CAMK2D: variants seen among roughly 807,000 people sequenced by gnomAD.
CAMK2D encodes the protein calcium/calmodulin-dependent protein kinase type II subunit delta.
CAMK2D carries 37 observed loss-of-function variants against 84.0 expected under a neutral mutation model. That is an observed-to-expected ratio of 0.44 (90% CI 0.34 to 0.58). The LOEUF (loss-of-function observed/expected upper bound fraction) is 0.58. Among genes scored for constraint, CAMK2D ranks in the 20% least tolerant of loss-of-function variants. The pLI, the probability that CAMK2D is intolerant of heterozygous loss-of-function variation, is 0.02. For missense variants in CAMK2D, 448 were observed against 652.5 expected (o/e 0.69, Z 3.41); for synonymous variants, 202 against 212.5 (o/e 0.95, Z 0.43).
chr4:113,474,633 GT>G (rs2097583343), intron 16 of CAMK2D, among the ~76,000 whole-genome samples: 1 of 149,770 alleles, frequency 6.7e-6, no homozygotes, highest in East Asian at 2.0e-4. Flanking sequence ...CAGGTCAAGA[GT>G]TTATTTATTT....
At chr4:113,567,092 TAG>T (rs2098728515) in intron 4 of CAMK2D, among the ~76,000 whole-genome samples, 1 of 151,428 alleles carries the variant, frequency 6.6e-6, no homozygotes, top group Non-Finnish European at 1.5e-5. Flanking sequence ...AAAAGCAGAC[TAG>T]AGTCAAGCCG....
intron 8 of CAMK2D, among the ~76,000 whole-genome samples, chr4:113,529,355 T>C (rs2098442959): frequency 6.6e-6 from 1 of 152,310 alleles, no homozygotes; most frequent in South Asian, 2.1e-4. Context: ...GATGAATTTA[T>C]TAACTTTTTA....
chr4:113,615,674 GT>G (rs1554006895), intron 3 of CAMK2D, among the ~76,000 whole-genome samples: 1 of 151,964 alleles, frequency 6.6e-6, no homozygotes, highest in East Asian at 1.9e-4. Flanking sequence ...AATATATGCT[GT>G]TTTTTTGAAA....
intron 4 of CAMK2D, among the ~76,000 whole-genome samples, chr4:113,603,143 A>T (rs919012726): frequency 6.6e-6 from 1 of 152,142 alleles, no homozygotes; most frequent in African/African-American, 2.4e-5. Context: ...AACCCTGGAA[A>T]GGATTATTTG....
At chr4:113,754,245 T>TTACA in intron 2 of CAMK2D, 12 of 976,416 alleles carry the variant, frequency 1.2e-5, no homozygotes, top group Non-Finnish European at 1.5e-5. Context: ...ACTGCATACA[T>TTACA]TACACCCTAA....
intron 4 of CAMK2D, among the ~76,000 whole-genome samples, chr4:113,555,273 G>A (rs1333735083): frequency 6.6e-6 from 1 of 152,112 alleles, no homozygotes; most frequent in African/African-American, 2.4e-5. Flanking sequence ...GCACTGACTT[G>A]GAGATTAAAA....
At chr4:113,744,780 A>C (rs2099600614) in intron 2 of CAMK2D, among the ~76,000 whole-genome samples, 1 of 152,206 alleles carries the variant, frequency 6.6e-6, no homozygotes, top group East Asian at 1.9e-4. Flanking sequence ...TGGCAATCTG[A>C]TTTCACAGCC....
intron 4 of CAMK2D, among the ~76,000 whole-genome samples, chr4:113,592,830 C>A (rs188168696): frequency 6.6e-6 from 1 of 151,978 alleles, no homozygotes; most frequent in East Asian, 1.9e-4. Flanking sequence ...TAGTTTATAA[C>A]TGGATTTTTA....
chr4:113,720,586 A>G lies in CAMK2D; in HGVS notation c.160+38734T>C, dbSNP rs191784990. Among the ~76,000 whole-genome samples, 229 of 152,194 alleles carry G rather than the reference A, an allele frequency of 1.5e-3. 2 individuals are homozygous for G. The East Asian group carries it at 0.034, about 23-fold the overall frequency. On this transcript the variant is annotated intron_variant, in intron 2 of 20. Coordinates refer to ENST00000511664, the MANE Select transcript of CAMK2D (RefSeq NM_001321571.2). ...AAAGTATCCTCAAATTTCAAAAAAA[A>G]GCTAATATCAAATTAACCAGAAATG...
chr4:113,649,184 C>G (rs921289396), intron 3 of CAMK2D, among the ~76,000 whole-genome samples: 1 of 152,188 alleles, frequency 6.6e-6, no homozygotes, highest in African/African-American at 2.4e-5. Flanking sequence ...CTTACACCTA[C>G]ATTCACTCCA....
chr4:113,519,033 T>C (rs771651055), intron 8 of CAMK2D, among the ~76,000 whole-genome samples: 23 of 152,106 alleles, frequency 1.5e-4, no homozygotes, highest in Non-Finnish European at 3.1e-4. Context: ...AATTTTTCCA[T>C]ACATCTAATG....
chr4:113,582,017 T>TTGGC (rs2098812835), intron 4 of CAMK2D, among the ~76,000 whole-genome samples: 2 of 152,176 alleles, frequency 1.3e-5, no homozygotes, highest in South Asian at 4.1e-4. Context: ...TTCCTTCTGA[T>TTGGC]TGGCTTCTTT....
chr4:113,586,390 C>G (rs1156971378), intron 4 of CAMK2D, among the ~76,000 whole-genome samples: 1 of 152,124 alleles, frequency 6.6e-6, no homozygotes, highest in African/African-American at 2.4e-5. Flanking sequence ...CATTTGAAAC[C>G]AGGTCAACTC....
chr4:113,619,178 T>C (rs2099034525), intron 3 of CAMK2D, among the ~76,000 whole-genome samples: 1 of 151,152 alleles, frequency 6.6e-6, no homozygotes, highest in African/African-American at 2.5e-5. Flanking sequence ...CAAAATCTAA[T>C]CTGAAAGCAA....
chr4:113,620,830 A>T (rs1040834121), intron 3 of CAMK2D, among the ~76,000 whole-genome samples: 3 of 152,288 alleles, frequency 2.0e-5, no homozygotes, highest in African/African-American at 7.2e-5. Context: ...TAAGTAAATT[A>T]TATTTTTAAG....
At chr4:113,491,762 A>T (rs1280512810) in intron 16 of CAMK2D, among the ~76,000 whole-genome samples, 1 of 152,058 alleles carries the variant, frequency 6.6e-6, no homozygotes, top group African/African-American at 2.4e-5. Flanking sequence ...CTGTGAATCC[A>T]TCTGGTCCTG....
At chr4:113,750,507 A>G (rs1251657585) in intron 2 of CAMK2D, among the ~76,000 whole-genome samples, 3 of 152,142 alleles carry the variant, frequency 2.0e-5, no homozygotes, top group African/African-American at 7.2e-5. Context: ...CAGCCCTTTC[A>G]CTAACTCTAC....
At chr4:113,659,939 T>C (rs1322318562) in intron 3 of CAMK2D, among the ~76,000 whole-genome samples, 1 of 152,208 alleles carries the variant, frequency 6.6e-6, no homozygotes, top group Non-Finnish European at 1.5e-5. Context: ...TAGGTGAATT[T>C]GCCAGTGTTA....
intron 3 of CAMK2D, among the ~76,000 whole-genome samples, chr4:113,616,446 C>A (rs2099021550): frequency 6.6e-6 from 1 of 152,260 alleles, no homozygotes; most frequent in Admixed American, 6.5e-5. Context: ...AGTATAATAG[C>A]ATTCAGTACT....
Sources: gnomAD v4.1 joint callset for allele counts (sites outside exome capture counted in the v4.1 genomes callset) on GRCh38, gnomAD v4.1.1 for gene constraint, MANE v1.5 for transcripts, NCBI Gene and HGNC (gene_info 2026-07-23, HGNC 2026-07-21) for gene names.